Variants in CRPPA observed in about 807,000 individuals in gnomAD.
CRPPA encodes CDP-L-ribitol pyrophosphorylase A.
Under a neutral mutation model 52.0 loss-of-function variants are expected in CRPPA, and 43 were observed. The observed-to-expected ratio is 0.83, with a 90% confidence interval of 0.65 to 1.07. The LOEUF (loss-of-function observed/expected upper bound fraction) is 1.07. Ranked by LOEUF, CRPPA falls within the 50% of genes least tolerant of loss-of-function variation. CRPPA has a pLI of 0.00. For missense variants in CRPPA, 629 were observed against 551.7 expected (o/e 1.14, Z -1.40); for synonymous variants, 250 against 203.5 (o/e 1.23, Z -1.94).
intron 6 of CRPPA, among the ~76,000 whole-genome samples, chr7:16,263,686 AG>A (rs1783873515): frequency 6.6e-6 from 1 of 152,090 alleles, no homozygotes; most frequent in Non-Finnish European, 1.5e-5. Context: ...TGGGAGGCAG[AG>A]GTTGCAGTGA....
intron 3 of CRPPA, among the ~76,000 whole-genome samples, chr7:16,314,292 T>G (rs974047246): frequency 1.3e-5 from 2 of 152,054 alleles, no homozygotes; most frequent in African/African-American, 4.8e-5. Context: ...AATATACTTT[T>G]ACAACTAATC....
chr7:16,155,700 G>T (rs1318497511), intron 9 of CRPPA, among the ~76,000 whole-genome samples: 1 of 152,102 alleles, frequency 6.6e-6, no homozygotes, highest in African/African-American at 2.4e-5. Flanking sequence ...GACTGTTTGT[G>T]TTATCGATAA....
intron 9 of CRPPA, among the ~76,000 whole-genome samples, chr7:16,118,248 T>A (rs1160190822): frequency 6.6e-6 from 1 of 152,140 alleles, no homozygotes; most frequent in East Asian, 1.9e-4. Flanking sequence ...AGGTACAGAC[T>A]GTGGAAGGTG....
intron 5 of CRPPA, among the ~76,000 whole-genome samples, chr7:16,285,019 T>C (rs1784394647): frequency 6.6e-6 from 1 of 152,178 alleles, no homozygotes; most frequent in Non-Finnish European, 1.5e-5. Flanking sequence ...ATTAATTTTT[T>C]CATGAAGCAC....
intron 9 of CRPPA, among the ~76,000 whole-genome samples, chr7:16,178,873 A>G (rs551776524): frequency 2.0e-5 from 3 of 152,240 alleles, no homozygotes; most frequent in African/African-American, 7.2e-5. Flanking sequence ...CCCTGTGTGA[A>G]AAACACTGAG....
At chr7:16,209,604 A>G (rs1444916062) in intron 9 of CRPPA, among the ~76,000 whole-genome samples, 1 of 152,174 alleles carries the variant, frequency 6.6e-6, no homozygotes, top group Non-Finnish European at 1.5e-5. Flanking sequence ...TTATGAATAA[A>G]ATAAAATCTT....
chr7:16,209,271 G>GTTTTTTTTTTTTTTTTTTTT lies in CRPPA; in HGVS notation c.1251+6794_1251+6795insAAAAAAAAAAAAAAAAAAAA, dbSNP rs1316167969. The GTTTTTTTTTTTTTTTTTTTT allele has an allele frequency of 2.7e-4, 37 of 137,780 alleles. 1 individual carries two copies. The highest frequency in any genetic ancestry group is 4.8e-4 in the Non-Finnish European group (29 of 60,792). 8.5% of individuals were successfully genotyped at this position (137,780 alleles called of 1,614,324 possible). On this transcript the variant is annotated intron_variant, in intron 9 of 9. Transcript: ENST00000407010. ...ACGGCCAAGTAATACGGTTCTAAGTGTCTTTTTTTTTTTTTTTTTGAGACG... is the reference window on the plus strand; with the variant it reads ...ACGGCCAAGTAATACGGTTCTAAGTGTTTTTTTTTTTTTTTTTTTTTCTTTTTTTTTTTTTTTTTGAGACG...
chr7:16,355,189 T>C (rs1232917091), intron 3 of CRPPA, among the ~76,000 whole-genome samples: 1 of 152,222 alleles, frequency 6.6e-6, no homozygotes, highest in Non-Finnish European at 1.5e-5. Flanking sequence ...ATTTAATATA[T>C]ATTAACCTCA....
intron 9 of CRPPA, among the ~76,000 whole-genome samples, chr7:16,147,105 G>C (rs1160356430): frequency 6.6e-6 from 1 of 152,170 alleles, no homozygotes; most frequent in Non-Finnish European, 1.5e-5. Flanking sequence ...TCTCTTGCCT[G>C]CCTGCTGCCA....
intron 8 of CRPPA, among the ~76,000 whole-genome samples, chr7:16,234,306 A>G (rs552649484): frequency 3.5e-4 from 53 of 152,298 alleles, no homozygotes; most frequent in African/African-American, 1.3e-3. Flanking sequence ...GAAATACTTC[A>G]AAGGTTAATA....
chr7:16,392,218 C>T (rs927631464), intron 2 of CRPPA, among the ~76,000 whole-genome samples: 33 of 152,118 alleles, frequency 2.2e-4, no homozygotes, highest in Non-Finnish European at 4.3e-4. Context: ...TCCAATCCAA[C>T]AATTCACTCT....
At position 16,350,485 on chromosome 7, in the gene CRPPA, A is replaced by G. The variant is rs1583540063; in HGVS notation, c.684+25607T>C. Among the ~76,000 whole-genome samples, 5 of 152,194 alleles carry G rather than the reference A, an allele frequency of 3.3e-5. No individual in the cohort carries two copies. In the South Asian group the frequency reaches 1.0e-3, roughly 31 times the overall value. On this transcript the variant is annotated intron_variant, in intron 3 of 9. Transcript: ENST00000407010. The stretch of plus-strand genomic sequence containing the variant: ...AAATATAAATTTTGACATCAAAAAC[A>G]TAAAACATAAAAGGGAACTAAAAGT...
intron 5 of CRPPA, among the ~76,000 whole-genome samples, chr7:16,297,381 A>C (rs1452030042): frequency 6.6e-6 from 1 of 152,212 alleles, no homozygotes; most frequent in African/African-American, 2.4e-5. Flanking sequence ...AAACAATGAT[A>C]TAGTGATAGA....
At position 16,399,663 on chromosome 7, in the gene CRPPA, C is replaced by T. The variant is rs530380375; in HGVS notation, c.534+6398G>A. The stretch of plus-strand genomic sequence containing the variant: ...ATCGACATGTAATCAACGTGTGACA[C>T]GTGGCCGACGCATGACCAGTGACAC... On this transcript the variant is annotated intron_variant, in intron 2 of 9. Transcript: ENST00000407010. Among the ~76,000 whole-genome samples the T allele has an allele frequency of 2.6e-3, 388 of 151,978 alleles. 3 individuals are homozygous for T. The highest frequency in any genetic ancestry group is 6.5e-3 in the African/African-American group (269 of 41,428).
intron 9 of CRPPA, among the ~76,000 whole-genome samples, chr7:16,181,206 A>G (rs1359057796): frequency 2.0e-5 from 3 of 152,042 alleles, no homozygotes; most frequent in African/African-American, 7.2e-5. Flanking sequence ...TATATGTACC[A>G]CTGGAATGTG....
chr7:16,265,191 C>T (rs988814692), intron 6 of CRPPA, among the ~76,000 whole-genome samples: 2 of 152,116 alleles, frequency 1.3e-5, no homozygotes, highest in African/African-American at 2.4e-5. Flanking sequence ...GCTGGTGGAT[C>T]ATAACAGTGG....
chr7:16,202,448 C>T (rs1527226), intron 9 of CRPPA, among the ~76,000 whole-genome samples: 109,518 of 151,988 alleles, frequency 0.72, 39,707 homozygotes, highest in Admixed American at 0.79. Context: ...ACATTACATA[C>T]TGGTCACTCA....
At chr7:16,328,254 G>T (rs1388767589) in intron 3 of CRPPA, among the ~76,000 whole-genome samples, 1 of 151,962 alleles carries the variant, frequency 6.6e-6, no homozygotes, top group African/African-American at 2.4e-5. Flanking sequence ...AAAAAGTCGA[G>T]AATCTTGCCT....
At chr7:16,417,613 C>A (rs141388167) in intron 1 of CRPPA, among the ~76,000 whole-genome samples, 1 of 152,160 alleles carries the variant, frequency 6.6e-6, no homozygotes, top group East Asian at 1.9e-4. Flanking sequence ...AAGATGTCAA[C>A]AACAGACACT....
Sources: gnomAD v4.1 joint callset for allele counts (sites outside exome capture counted in the v4.1 genomes callset) on GRCh38, gnomAD v4.1.1 for gene constraint, MANE v1.5 for transcripts, NCBI Gene and HGNC (gene_info 2026-07-23, HGNC 2026-07-21) for gene names.